MAVS: variants seen among roughly 807,000 people sequenced by gnomAD.
MAVS encodes mitochondrial antiviral-signaling protein.
Under a neutral mutation model 30.2 loss-of-function variants are expected in MAVS, and 20 were observed. The observed-to-expected ratio is 0.66, with a 90% CI of 0.47 to 0.96. The LOEUF (loss-of-function observed/expected upper bound fraction) is 0.96. Among genes scored for constraint, MAVS ranks in the 40% least tolerant of loss-of-function variants. The pLI is 0.00. For synonymous variants in MAVS, 278 were observed against 293.9 expected (o/e 0.95, Z 0.55); for missense variants, 624 against 701.1 (o/e 0.89, Z 1.24).
At chr20:3,864,113 CTG>C in intron 5 of MAVS, 141 bp from the exon 6 acceptor site, 1 of 908,834 alleles carries the variant, frequency 1.1e-6, no homozygotes, top group East Asian at 2.4e-5. Flanking sequence ...ACCAAAGGGA[CTG>C]TGGCATCTCC....
At chr20:3,853,464 C>T (rs774535700) in intron 1 of MAVS, among the ~76,000 whole-genome samples, 17 of 145,198 alleles carry the variant, frequency 1.2e-4, no homozygotes, top group East Asian at 8.7e-4. Flanking sequence ...CCAGCCTGGG[C>T]GACAGAGAAA....
intron 1 of MAVS, among the ~76,000 whole-genome samples, chr20:3,848,102 G>GGGTC (rs2089723586): frequency 6.6e-6 from 1 of 152,028 alleles, no homozygotes; most frequent in Non-Finnish European, 1.5e-5. Flanking sequence ...AAGGAGAAAG[G>GGGTC]GGTCTTTTTT....
intron 1 of MAVS, among the ~76,000 whole-genome samples, chr20:3,853,953 ATT>A (rs56392229): frequency 3.0e-5 from 4 of 132,726 alleles, no homozygotes; most frequent in South Asian, 2.4e-4. Flanking sequence ...ATGCCCAGCT[ATT>A]TTTTTTTTTT....
At chr20:3,849,207 CTT>C (rs796874133) in intron 1 of MAVS, among the ~76,000 whole-genome samples, 18 of 141,016 alleles carry the variant, frequency 1.3e-4, no homozygotes, top group Admixed American at 5.0e-4. Context: ...AGCTTGCTTG[CTT>C]TTTTTTTTTT....
chr20:3,863,029 C>T (rs1053120259), intron 5 of MAVS, among the ~76,000 whole-genome samples: 2 of 152,102 alleles, frequency 1.3e-5, no homozygotes, highest in South Asian at 2.1e-4. Flanking sequence ...GCCATTTTTG[C>T]GCTCTGCCAA....
rs1334309593 is a variant in MAVS at position 3,867,580 on chromosome 20, A to C, written c.*1433A>C. ...CACTGCACTCCAACCTGGGTGAGAGAGCGAGACCCTGTCTCAAGAAAAAGA... is the reference window on the plus strand; with the variant it reads ...CACTGCACTCCAACCTGGGTGAGAGCGCGAGACCCTGTCTCAAGAAAAAGA... On this transcript the variant is annotated 3_prime_UTR_variant, in exon 7 of 7. Transcript: ENST00000428216. 1 of 154,438 alleles carries C rather than the reference A, an allele frequency of 6.5e-6. No homozygotes were observed. Among genetic ancestry groups the C allele is most frequent in the Non-Finnish European group, 1.4e-5 (1 of 69,486 alleles). 9.6% of individuals were successfully genotyped at this position (154,438 alleles called of 1,614,324 possible).
At chr20:3,863,290 G>A (rs1250365942) in intron 5 of MAVS, among the ~76,000 whole-genome samples, 1 of 152,212 alleles carries the variant, frequency 6.6e-6, no homozygotes, top group Non-Finnish European at 1.5e-5. Flanking sequence ...TCTCAGGCCA[G>A]CATGTCTCTT....
At position 3,866,836 on chromosome 20, in the gene MAVS, G is replaced by T. The variant is rs758257729; in HGVS notation, c.*689G>T. ...CAGCCTCCTCTTTCCCTCCCCTCTG[G>T]TCTCCATTCTCTTCAGCTCCCTACA... On this transcript the variant is annotated 3_prime_UTR_variant, in exon 7 of 7. Transcript: ENST00000428216. 8.8e-6 allele frequency: 4 copies of T among 455,864 alleles called. No homozygotes were observed. Among genetic ancestry groups the T allele is most frequent in the South Asian group, 4.7e-5 (3 of 64,406 alleles). The allele number at this position is 455,864 out of a possible 1,614,324, so 28.2% of individuals were successfully genotyped here. A position where few individuals can be genotyped will look rare whatever the true frequency, so the allele number is the denominator to read the frequency against.
intron 2 of MAVS, among the ~76,000 whole-genome samples, chr20:3,855,013 C>T (rs1273424067): frequency 1.3e-5 from 2 of 151,788 alleles, no homozygotes; most frequent in East Asian, 1.9e-4. Context: ...GCCTCAGCCT[C>T]CTGAGTAGCT....
rs1276034275 is a variant in MAVS at position 3,867,190 on chromosome 20, A to T, written c.*1043A>T. ...ACAGGCAGCCTAGGCCTGCGTCCCAACCTGCCTCTCACCAGCTCTGTGACC... is the reference window on the plus strand; with the variant it reads ...ACAGGCAGCCTAGGCCTGCGTCCCATCCTGCCTCTCACCAGCTCTGTGACC... On this transcript the variant is annotated 3_prime_UTR_variant, in exon 7 of 7. Transcript: ENST00000428216. 2 of 390,774 alleles carry T rather than the reference A, an allele frequency of 5.1e-6. No homozygotes were observed. The highest frequency in any genetic ancestry group is 1.4e-4 in the East Asian group (2 of 13,840). The allele number at this position is 390,774 out of a possible 1,614,324, so 24.2% of individuals were successfully genotyped here.
In MAVS at chr20:3,874,830, G is replaced by C. The variant is rs569701312; in HGVS notation, c.*8683G>C. 1.3e-5 allele frequency: 2 copies of C among 152,314 alleles called. No homozygotes were observed. Among genetic ancestry groups the C allele is most frequent in the African/African-American group, 4.8e-5 (2 of 41,412 alleles). 9.4% of individuals were successfully genotyped at this position (152,314 alleles called of 1,614,324 possible). On this transcript the variant is annotated 3_prime_UTR_variant, in exon 7 of 7. Coordinates refer to ENST00000428216, the MANE Select transcript of MAVS (RefSeq NM_020746.5). The stretch of plus-strand genomic sequence containing the variant: ...GTATGTTCAGTCTCTTGGAAGGAAG[G>C]GTATTGACTCTGAGAGGGGCCACCA...
At position 3,861,429 on chromosome 20, in the gene MAVS, C is replaced by T; in HGVS notation, c.390C>T (p.Tyr130=). 1 of 1,614,176 alleles carries T rather than the reference C, an allele frequency of 6.2e-7. No individual in the cohort carries two copies. The highest frequency in any genetic ancestry group is 1.3e-5 in the African/African-American group (1 of 75,052). Residue 130 remains tyrosine, a synonymous_variant, in exon 4 of 7, where the codon TAC becomes TAT. Transcript: ENST00000428216. ...CTGCTGCGGCCCACAGCATCCCCTA[C>T]AACAGCTGCAGAGAGAAGGAGCCAA... ...PTPAAAHSIP[Y]NSCREKEPSY... is the part of the protein sequence containing the mutation.
chr20:3,864,135 A>C, intron 5 of MAVS, 121 bp from the exon 6 acceptor site: 23 of 1,093,592 alleles, frequency 2.1e-5, no homozygotes, highest in Non-Finnish European at 2.5e-5. Flanking sequence ...CTCCAAGGGC[A>C]GGAGATTTGG....
At chr20:3,854,438 A>AAAAAAAAAAAAG (rs2089791518) in intron 1 of MAVS, 120 bp from the exon 2 acceptor site, 1 of 380,600 alleles carries the variant, frequency 2.6e-6, no homozygotes, top group African/African-American at 2.2e-5. Context: ...AAAAAAAAAA[A>AAAAAAAAAAAAG]GAAGAAATTA....
chr20:3,859,504 T>C (rs2089845520), intron 3 of MAVS, among the ~76,000 whole-genome samples: 1 of 64,710 alleles, frequency 1.5e-5, no homozygotes. Flanking sequence ...TGAGACTCCG[T>C]CTCCAAAAAA....
intron 6 of MAVS, 86 bp downstream of exon 6, chr20:3,864,874 A>C (rs547000507): frequency 6.6e-7 from 1 of 1,508,096 alleles, no homozygotes; most frequent in South Asian, 1.2e-5. Flanking sequence ...GCCCCTTCCC[A>C]GTCTGCATTC....
Position 3,874,219 on chromosome 20 carries a change from A to G in MAVS, c.*8072A>G, listed in dbSNP as rs1043308877. ...ATGATTCTCTTCCTACAAAAAGTACAGAAATAAGCAAAACTGATCCATGGT... is the reference window on the plus strand; with the variant it reads ...ATGATTCTCTTCCTACAAAAAGTACGGAAATAAGCAAAACTGATCCATGGT... On this transcript the variant is annotated 3_prime_UTR_variant, in exon 7 of 7. Coordinates refer to ENST00000428216, the MANE Select transcript of MAVS (RefSeq NM_020746.5). 2.8e-5 allele frequency: 11 copies of G among 398,512 alleles called. No homozygotes were observed. Among genetic ancestry groups the G allele is most frequent in the African/African-American group, 2.3e-4 (11 of 48,640 alleles). 24.7% of individuals were successfully genotyped at this position (398,512 alleles called of 1,614,324 possible).
At chr20:3,848,052 C>T (rs1236609193) in intron 1 of MAVS, among the ~76,000 whole-genome samples, 2 of 152,158 alleles carry the variant, frequency 1.3e-5, no homozygotes, top group Non-Finnish European at 2.9e-5. Context: ...AGTGCCTCAT[C>T]TGACTGCCTT....
chr20:3,851,990 C>CTTTTTTTTTT (rs770960832), intron 1 of MAVS, among the ~76,000 whole-genome samples: 1 of 80,484 alleles, frequency 1.2e-5, no homozygotes, highest in African/African-American at 1.2e-4. Flanking sequence ...GTGTAGCAGG[C>CTTTTTTTTTT]TTTTTTTTTT....
Sources: allele counts gnomAD v4.1 joint callset (sites outside exome capture counted in the v4.1 genomes callset), GRCh38; gene constraint gnomAD v4.1.1; transcripts MANE v1.5; gene names NCBI Gene and HGNC (gene_info 2026-07-23, HGNC 2026-07-21).